The following MTUS2 variants were observed in gnomAD, a reference collection of about 807,000 sequenced individuals.
MTUS2 encodes the protein microtubule-associated tumor suppressor candidate 2.
A neutral mutation model predicts 114.1 loss-of-function variants in MTUS2; 40 were observed. The ratio of observed to expected loss-of-function variants is 0.35; its 90% CI spans 0.27 to 0.46. The LOEUF (loss-of-function observed/expected upper bound fraction) is 0.46, where lower values mean the gene tolerates loss of function less well. Ranked by LOEUF, MTUS2 falls within the 20% of genes least tolerant of loss-of-function variation. The pLI, the probability that MTUS2 is intolerant of heterozygous loss-of-function variation, is 1.00. For synonymous variants in MTUS2, 688 were observed against 672.0 expected (o/e 1.02, Z -0.37); for missense variants, 1,679 against 1,705.4 (o/e 0.98, Z 0.27).
At chr13:28,905,482 A>C (rs1290802333) in intron 2 of MTUS2, among the ~76,000 whole-genome samples, 7 of 151,600 alleles carry the variant, frequency 4.6e-5, no homozygotes, top group Non-Finnish European at 1.0e-4. Flanking sequence ...GAATTTTGTC[A>C]AAGGCCTTTT....
In MTUS2 at chr13:29,408,024, G is replaced by A. The variant is rs373497715; in HGVS notation, c.3118-31959G>A. The stretch of plus-strand genomic sequence containing the variant: ...CATATCCTTTGTTCTTTTTTCTATC[G>A]TGTTATATTTAGCTTACCAATTAGA... On this transcript the variant is annotated intron_variant, in intron 8 of 15. Transcript: ENST00000612955. Among the ~76,000 whole-genome samples the A allele has an allele frequency of 7.3e-5, 11 of 151,384 alleles. No individual in the cohort carries two copies. In the East Asian group the frequency reaches 1.6e-3, roughly 21 times the overall value.
intron 4 of MTUS2, 38 bp downstream of exon 4, chr13:29,034,163 C>T (rs770531836): frequency 2.6e-5 from 42 of 1,611,046 alleles, no homozygotes; most frequent in Non-Finnish European, 3.4e-5. Context: ...TCCTGCTGTA[C>T]GTTTAGATAG....
At chr13:28,900,940 T>C (rs1879609853) in intron 2 of MTUS2, among the ~76,000 whole-genome samples, 1 of 152,232 alleles carries the variant, frequency 6.6e-6, no homozygotes, top group African/African-American at 2.4e-5. Context: ...TGATTGCATG[T>C]CTAGGCTTTT....
At chr13:29,338,794 A>G (rs554674246) in intron 7 of MTUS2, among the ~76,000 whole-genome samples, 35 of 152,192 alleles carry the variant, frequency 2.3e-4, no homozygotes, top group Non-Finnish European at 3.4e-4. Flanking sequence ...ATATTTAACT[A>G]TGCAAACTGT....
intron 5 of MTUS2, among the ~76,000 whole-genome samples, chr13:29,140,724 C>G (rs1347498993): frequency 6.6e-6 from 1 of 152,148 alleles, no homozygotes; most frequent in African/African-American, 2.4e-5. Flanking sequence ...TCACCTCTTC[C>G]TCTGTTGAGT....
At chr13:29,408,944 A>G (rs1875004110) in intron 8 of MTUS2, among the ~76,000 whole-genome samples, 1 of 152,202 alleles carries the variant, frequency 6.6e-6, no homozygotes, top group Non-Finnish European at 1.5e-5. Flanking sequence ...TTCTCCAACA[A>G]TGAAAAACAT....
chr13:28,882,612 C>G lies in MTUS2; in HGVS notation c.-243+42762C>G, dbSNP rs556015648. Among the ~76,000 whole-genome samples, 5 of 152,130 alleles carry G rather than the reference C, an allele frequency of 3.3e-5. No individual in the cohort carries two copies. In the East Asian group the frequency reaches 9.7e-4, roughly 29 times the overall value. ...ATTACCTGGGTGTGGTGACATGTTT[C>G]TGTAGTCTCAATTACTCAGGAGGCT... is the stretch of plus-strand genomic sequence containing the variant. On this transcript the variant is annotated intron_variant, in intron 2 of 15. Coordinates refer to ENST00000612955, the MANE Select transcript of MTUS2 (RefSeq NM_001033602.4).
chr13:29,386,419 C>T (rs992629572), intron 8 of MTUS2, among the ~76,000 whole-genome samples: 2 of 152,136 alleles, frequency 1.3e-5, no homozygotes, highest in African/African-American at 4.8e-5. Flanking sequence ...GAAGGTAGGA[C>T]AGGGTGATCA....
chr13:28,921,483 G>A (rs983445753), intron 2 of MTUS2, among the ~76,000 whole-genome samples: 2 of 152,194 alleles, frequency 1.3e-5, no homozygotes, highest in Non-Finnish European at 2.9e-5. Context: ...GAGCTGCACT[G>A]CCTGGAGTTG....
rs111770384 is a variant in MTUS2 at position 29,440,768 on chromosome 13, A to C, written c.3184+719A>C. ...ACCAGTGAGCACTCCTCCTCCATCTAGTGTGGTCCTGGGAGCAGCCCACCA... is the reference window on the plus strand; with the variant it reads ...ACCAGTGAGCACTCCTCCTCCATCTCGTGTGGTCCTGGGAGCAGCCCACCA... On this transcript the variant is annotated intron_variant, in intron 9 of 15. Coordinates refer to ENST00000612955, the MANE Select transcript of MTUS2 (RefSeq NM_001033602.4). 8.3e-3 allele frequency among the ~76,000 whole-genome samples: 1,266 copies of C among 152,060 alleles called. 11 individuals are homozygous for C. Among genetic ancestry groups the C allele is most frequent in the South Asian group, 0.022 (107 of 4,808 alleles).
chr13:28,941,877 CTA>C (rs1270423302), intron 2 of MTUS2, among the ~76,000 whole-genome samples: 6 of 152,172 alleles, frequency 3.9e-5, no homozygotes, highest in Non-Finnish European at 8.8e-5. Flanking sequence ...TTTTCTAACA[CTA>C]TGCATTGGTC....
intron 8 of MTUS2, among the ~76,000 whole-genome samples, chr13:29,372,777 A>AG (rs1871299630): frequency 6.6e-6 from 1 of 152,174 alleles, no homozygotes; most frequent in Non-Finnish European, 1.5e-5. Flanking sequence ...CAGAATGACC[A>AG]TTACTTATAT....
chr13:29,096,803 C>T lies in MTUS2; in HGVS notation c.2447-3970C>T, dbSNP rs116971676. On this transcript the variant is annotated intron_variant, in intron 4 of 15. Coordinates refer to ENST00000612955, the MANE Select transcript of MTUS2 (RefSeq NM_001033602.4). ...ACACTCCTGGTTTATAAGCGAGGTG[C>T]GAGGTAGGGACAGTAGCTTCTAGTC... 3.9e-5 allele frequency among the ~76,000 whole-genome samples: 6 copies of T among 152,186 alleles called. No individual in the cohort carries two copies. The East Asian group carries it at 5.8e-4, about 15-fold the overall frequency.
chr13:28,976,203 CAAAAA>C (rs71090215), intron 2 of MTUS2, among the ~76,000 whole-genome samples: 18,346 of 90,454 alleles, frequency 0.2, 1,359 homozygotes, highest in East Asian at 0.51. Flanking sequence ...GACCTTGTCT[CAAAAA>C]AAAAAAAAAA....
chr13:29,110,314 G>A (rs1274513733), intron 5 of MTUS2, among the ~76,000 whole-genome samples: 3 of 152,184 alleles, frequency 2.0e-5, no homozygotes, highest in Admixed American at 6.5e-5. Context: ...GTACTTAAAG[G>A]GCTTTGCACA....
chr13:29,251,471 G>T (rs1252757379), intron 5 of MTUS2, among the ~76,000 whole-genome samples: 1 of 152,048 alleles, frequency 6.6e-6, no homozygotes, highest in African/African-American at 2.4e-5. Context: ...CAGTACAGTA[G>T]CACTAAGTAC....
rs529848150 is a variant in MTUS2 at position 29,112,307 on chromosome 13, A to T, written c.2644+11337A>T. ...GGTCAGCGAGGCAGAGGAGTGTCAG[A>T]CACGACCAGCATCACCAAAGCTGAG... On this transcript the variant is annotated intron_variant, in intron 5 of 15. Coordinates refer to ENST00000612955, the MANE Select transcript of MTUS2 (RefSeq NM_001033602.4). Among the ~76,000 whole-genome samples the T allele has an allele frequency of 9.6e-4, 146 of 152,280 alleles. 1 individual carries two copies. Among genetic ancestry groups the T allele is most frequent in the Non-Finnish European group, 1.8e-3 (122 of 68,026 alleles).
chr13:28,855,014 C>T lies in MTUS2; in HGVS notation c.-243+15164C>T, dbSNP rs562608524. On this transcript the variant is annotated intron_variant, in intron 2 of 15. Coordinates refer to ENST00000612955, the MANE Select transcript of MTUS2 (RefSeq NM_001033602.4). The stretch of plus-strand genomic sequence containing the variant: ...GCCCTTACTTATCTTGGTGTTTCTC[C>T]GAGGTTCCCAGCTGGTTTACCAGCT... Among the ~76,000 whole-genome samples the T allele has an allele frequency of 4.6e-5, 7 of 152,186 alleles. No homozygotes were observed. The South Asian group carries it at 1.2e-3, about 27-fold the overall frequency.
chr13:29,420,765 C>T (rs1283253960), intron 8 of MTUS2, among the ~76,000 whole-genome samples: 9 of 152,174 alleles, frequency 5.9e-5, no homozygotes, highest in Admixed American at 5.9e-4. Context: ...ACCTATTCAT[C>T]TAGCTAGTAA....
Sources: gnomAD v4.1 joint callset for allele counts (sites outside exome capture counted in the v4.1 genomes callset) on GRCh38, gnomAD v4.1.1 for gene constraint, MANE v1.5 for transcripts, NCBI Gene and HGNC (gene_info 2026-07-23, HGNC 2026-07-21) for gene names.